RNF4: variants seen among roughly 807,000 people sequenced by gnomAD.
The protein encoded by RNF4 is E3 ubiquitin-protein ligase RNF4.
A neutral mutation model predicts 24.3 loss-of-function variants in RNF4; 7 were observed. That is an observed-to-expected ratio of 0.29 (90% CI 0.16 to 0.54). The LOEUF (loss-of-function observed/expected upper bound fraction) is 0.54. Ranked by LOEUF, RNF4 falls within the 20% of genes least tolerant of loss-of-function variation. RNF4 has a pLI of 0.95. For missense variants in RNF4, 209 were observed against 248.5 expected, an observed-to-expected ratio of 0.84 and a Z score of 1.07; for synonymous variants, 83 against 84.3, an observed-to-expected ratio of 0.98 and a Z score of 0.09.
intron 4 of RNF4, among the ~76,000 whole-genome samples, chr4:2,501,412 C>G (rs1735907080): frequency 6.6e-6 from 1 of 152,234 alleles, no homozygotes; most frequent in Non-Finnish European, 1.5e-5. Flanking sequence ...CGTCCTGATG[C>G]CAGGGAGGCT....
chr4:2,493,026 GA>G lies in RNF4; in HGVS notation c.9+2528del, dbSNP rs1009086477. 2.6e-5 allele frequency among the ~76,000 whole-genome samples: 4 copies of G among 152,330 alleles called. 1 individual carries two copies. Among genetic ancestry groups the G allele is most frequent in the East Asian group, 1.9e-4 (1 of 5,194 alleles). On this transcript the variant is annotated intron_variant, in intron 2 of 7. Coordinates refer to ENST00000314289, the MANE Select transcript of RNF4 (RefSeq NM_002938.5). Reference sequence around the variant, plus strand: ...ATGGACCTCTGAGGGCCCTGCTAGTGAAAAGGAAGAGAATTATGACCAGAAT... The same window carrying G: ...ATGGACCTCTGAGGGCCCTGCTAGTGAAAGGAAGAGAATTATGACCAGAAT...
At chr4:2,477,917 T>C (rs920635753) in intron 1 of RNF4, among the ~76,000 whole-genome samples, 1 of 152,156 alleles carries the variant, frequency 6.6e-6, no homozygotes, top group African/African-American at 2.4e-5. Context: ...TTTGGAGGGC[T>C]CAGAAGAAGA....
At chr4:2,484,216 G>C (rs1447470510) in intron 1 of RNF4, among the ~76,000 whole-genome samples, 1 of 151,794 alleles carries the variant, frequency 6.6e-6, no homozygotes, top group African/African-American at 2.4e-5. Flanking sequence ...GTAGGCCTAG[G>C]CTAAACAGAA....
chr4:2,473,191 G>T (rs897316418), intron 1 of RNF4, among the ~76,000 whole-genome samples: 18 of 151,964 alleles, frequency 1.2e-4, no homozygotes, highest in African/African-American at 4.1e-4. Context: ...AGACCAGCCT[G>T]CCCAACATGG....
chr4:2,501,762 T>A (rs1023042695), intron 4 of RNF4, among the ~76,000 whole-genome samples: 3 of 152,084 alleles, frequency 2.0e-5, no homozygotes, highest in Non-Finnish European at 4.4e-5. Context: ...AGTAGCTGAG[T>A]CTTCGCCTTG....
intron 1 of RNF4, chr4:2,470,106 C>T (rs1352189890): frequency 6.6e-6 from 1 of 152,290 alleles, no homozygotes. Flanking sequence ...ACTTAATAAT[C>T]TTCGTTCTGT....
intron 4 of RNF4, among the ~76,000 whole-genome samples, chr4:2,504,726 A>ATTTTTTT (rs1182588172): frequency 3.1e-4 from 19 of 61,114 alleles, no homozygotes; most frequent in East Asian, 9.2e-4. Context: ...CATTTTTTGT[A>ATTTTTTT]TTTTTTTTTT....
At chr4:2,508,929 T>TTTC (rs1404561728) in intron 4 of RNF4, among the ~76,000 whole-genome samples, 3 of 143,884 alleles carry the variant, frequency 2.1e-5, no homozygotes, top group Non-Finnish European at 4.5e-5. Flanking sequence ...TTTTTTTTTT[T>TTTC]TTTTTTTAAT....
intron 1 of RNF4, among the ~76,000 whole-genome samples, chr4:2,486,628 G>T (rs912681527): frequency 6.6e-6 from 1 of 152,184 alleles, no homozygotes; most frequent in Non-Finnish European, 1.5e-5. Flanking sequence ...AGCTGGGCCT[G>T]CAGGGATGCA....
chr4:2,471,527 A>G (rs1255195737), intron 1 of RNF4, among the ~76,000 whole-genome samples: 1 of 152,228 alleles, frequency 6.6e-6, no homozygotes, highest in Non-Finnish European at 1.5e-5. Context: ...CTTTAAGTGA[A>G]GTTAAGAAAT....
At chr4:2,503,260 C>A (rs1351504355) in intron 4 of RNF4, among the ~76,000 whole-genome samples, 1 of 152,152 alleles carries the variant, frequency 6.6e-6, no homozygotes, top group Non-Finnish European at 1.5e-5. Flanking sequence ...TTTCCCTGGG[C>A]TAGGGCTCCA....
chr4:2,482,810 C>G (rs1277993831), intron 1 of RNF4, among the ~76,000 whole-genome samples: 2 of 152,020 alleles, frequency 1.3e-5, no homozygotes, highest in Non-Finnish European at 2.9e-5. Context: ...ATGTTCAAGG[C>G]CCCTGAGCCT....
At chr4:2,470,217 G>T (rs1395430011) in intron 1 of RNF4, among the ~76,000 whole-genome samples, 1 of 152,204 alleles carries the variant, frequency 6.6e-6, no homozygotes, top group Admixed American at 6.5e-5. Context: ...AAAGTGAAGT[G>T]GTCTGCCCAA....
intron 1 of RNF4, among the ~76,000 whole-genome samples, chr4:2,478,296 T>A (rs1373022870): frequency 6.6e-6 from 1 of 152,236 alleles, no homozygotes; most frequent in African/African-American, 2.4e-5. Context: ...GTCAATGTGC[T>A]AGAAAATAAA....
rs1736310851 is a variant in RNF4 at position 2,512,998 on chromosome 4, T to C, written c.375-85T>C. 7.6e-7 allele frequency: 1 copy of C among 1,313,970 alleles called. No homozygotes were observed. The highest frequency in any genetic ancestry group is 1.4e-5 in the African/African-American group (1 of 68,982). The allele number at this position is 1,313,970 out of a possible 1,614,324, so 81.4% of individuals were successfully genotyped here. On this transcript the variant is annotated intron_variant, in intron 6 of 7. Coordinates refer to ENST00000314289, the MANE Select transcript of RNF4 (RefSeq NM_002938.5). This position sits in a 1 kb window ranked among gnomAD's most constrained non-coding sequence, Gnocchi z 4.1. The stretch of plus-strand genomic sequence containing the variant: ...CAGGAGGCCAGGGACGGGACTCTTG[T>C]AGGGGATAGGGGCCACTCACGTGAC...
chr4:2,484,609 C>A (rs1325235335), intron 1 of RNF4, among the ~76,000 whole-genome samples: 1 of 151,556 alleles, frequency 6.6e-6, no homozygotes, highest in Non-Finnish European at 1.5e-5. Flanking sequence ...ATATGTCACA[C>A]TCCTGCTAGA....
At chr4:2,490,085 G>T (rs1274037973) in intron 1 of RNF4, among the ~76,000 whole-genome samples, 1 of 152,122 alleles carries the variant, frequency 6.6e-6, no homozygotes, top group Non-Finnish European at 1.5e-5. Context: ...ACGGTACCTT[G>T]CCAAGGTGGC....
intron 1 of RNF4, among the ~76,000 whole-genome samples, chr4:2,474,334 C>T (rs1018719881): frequency 1.3e-5 from 2 of 149,650 alleles, no homozygotes; most frequent in Non-Finnish European, 3.0e-5. Flanking sequence ...GCCGAAATCA[C>T]GCCATTGCAC....
At chr4:2,503,320 A>G (rs116451748) in intron 4 of RNF4, among the ~76,000 whole-genome samples, 72 of 152,254 alleles carry the variant, frequency 4.7e-4, no homozygotes, top group African/African-American at 1.5e-3. Flanking sequence ...GTTAACCTTT[A>G]TAAGATCTGC....
Sources: allele counts gnomAD v4.1 joint callset (sites outside exome capture counted in the v4.1 genomes callset), GRCh38; gene constraint gnomAD v4.1.1; non-coding constraint Gnocchi (gnomAD v3.1); transcripts MANE v1.5; gene names NCBI Gene and HGNC (gene_info 2026-07-23, HGNC 2026-07-21).